Variants in ZNF500 observed in about 807,000 individuals in gnomAD.
ZNF500 encodes zinc finger protein with KRAB and SCAN domains 18.
In ZNF500, 31 loss-of-function variants were observed where a neutral mutation model predicts 30.1. The ratio of observed to expected loss-of-function variants is 1.03; its 90% CI spans 0.77 to 1.39. The LOEUF (loss-of-function observed/expected upper bound fraction) is 1.39, where lower values mean the gene tolerates loss of function less well. Among genes scored for constraint, ZNF500 ranks in the 40% most tolerant of loss-of-function variants. The pLI, the probability that ZNF500 is intolerant of heterozygous loss-of-function variation, is 0.00. For missense variants in ZNF500, 817 were observed against 657.8 expected (o/e 1.24, Z -2.65); for synonymous variants, 392 against 282.0 (o/e 1.39, Z -3.91).
downstream of ZNF500, chr16:4,747,252 G>A (rs1172835323): frequency 3.4e-5 from 48 of 1,429,548 alleles, no homozygotes; most frequent in East Asian, 1.1e-3. Flanking sequence ...AATGGGAGCT[G>A]GGCTCATCTG....
chr16:4,761,442 A>G (rs1448844893), intron 4 of ZNF500, among the ~76,000 whole-genome samples: 2 of 150,592 alleles, frequency 1.3e-5, no homozygotes, highest in African/African-American at 4.9e-5. Context: ...CTCTGTCTCA[A>G]AAAAACAAAA....
chr16:4,746,330 T>C, downstream of ZNF500: 12 of 1,573,868 alleles, frequency 7.6e-6, no homozygotes, highest in Non-Finnish European at 1.0e-5. Flanking sequence ...GTCACAGAGT[T>C]ATCACAGAGA....
At position 4,751,746 on chromosome 16, in the gene ZNF500, C is replaced by T; in HGVS notation, c.*630G>A. The T allele has an allele frequency of 2.6e-6, 3 of 1,137,934 alleles. 1 individual carries two copies. Among genetic ancestry groups the T allele is most frequent in the East Asian group, 2.6e-5 (1 of 39,064 alleles). The allele number at this position is 1,137,934 out of a possible 1,614,324, so 70.5% of individuals were successfully genotyped here. A position where few individuals can be genotyped will look rare whatever the true frequency, so the allele number is the denominator to read the frequency against. On this transcript the variant is annotated 3_prime_UTR_variant, in exon 6 of 6. Transcript: ENST00000219478. ...GGACCCTAAACCCAGTGAGTGGTGGCCCTACCAAAAAAGAGACTGGGCATG... is the reference window on the plus strand; with the variant it reads ...GGACCCTAAACCCAGTGAGTGGTGGTCCTACCAAAAAAGAGACTGGGCATG...
chr16:4,765,414 G>T, intron 2 of ZNF500, 151 bp downstream of exon 2: 2 of 1,096,522 alleles, frequency 1.8e-6, no homozygotes, highest in South Asian at 1.6e-5. Flanking sequence ...CATTAGCCAA[G>T]GCTGAGAAAT....
chr16:4,745,151 C>T, downstream of ZNF500: 2 of 1,138,950 alleles, frequency 1.8e-6, no homozygotes, highest in Admixed American at 2.6e-5. Flanking sequence ...CAGGCAGTCG[C>T]TCCAGTCATC....
intron 5 of ZNF500, among the ~76,000 whole-genome samples, chr16:4,760,065 GA>G (rs2082180075): frequency 6.6e-6 from 1 of 152,040 alleles, no homozygotes; most frequent in African/African-American, 2.4e-5. Flanking sequence ...CAAAAAACCA[GA>G]AAAGGCTTCA....
chr16:4,744,462 C>T (rs566180013), downstream of ZNF500, among the ~76,000 whole-genome samples: 6 of 151,596 alleles, frequency 4.0e-5, no homozygotes, highest in African/African-American at 9.7e-5. Context: ...CGTAGGTTAA[C>T]GTGGAAGCAT....
At chr16:4,762,884 C>T (rs976218637) in intron 2 of ZNF500, 128 bp from the exon 3 acceptor site, 11 of 1,425,004 alleles carry the variant, frequency 7.7e-6, no homozygotes, top group Non-Finnish European at 1.0e-5. Context: ...TGCAGCCTCC[C>T]TCCCTCTGCC....
chr16:4,752,408 C>G lies in ZNF500; in HGVS notation c.1411G>C (p.Val471Leu). ...GAGSLPTLQP[V>L]APGGPGAKA ...TTGGCACCGGGGCCTCCAGGAGCCA[C>G]CGGCTGGAGCGTCGGCAAGGAGCCT... is the stretch of plus-strand genomic sequence containing the variant. The change falls in exon 6 of 6, where the codon GTG becomes CTG. Residue 471 changes from valine (V) to leucine (L), a missense_variant. Physicochemically the swap from Val to Leu is conservative, Grantham distance 32. Coordinates refer to ENST00000219478, the MANE Select transcript of ZNF500 (RefSeq NM_021646.4). 6.6e-7 allele frequency: 1 copy of G among 1,521,326 alleles called. No individual in the cohort carries two copies. Among genetic ancestry groups the G allele is most frequent in the Non-Finnish European group, 8.8e-7 (1 of 1,137,688 alleles). 94.2% of individuals were successfully genotyped at this position (1,521,326 alleles called of 1,614,324 possible).
chr16:4,746,986 G>C, downstream of ZNF500: 1 of 1,546,952 alleles, frequency 6.5e-7, no homozygotes, highest in Non-Finnish European at 8.7e-7. Flanking sequence ...GCAGCTCTGG[G>C]AGACGCAGAG....
intron 5 of ZNF500, among the ~76,000 whole-genome samples, 190 bp downstream of exon 5, chr16:4,760,302 G>C (rs1208294064): frequency 1.3e-5 from 2 of 152,116 alleles, no homozygotes; most frequent in African/African-American, 4.8e-5. Flanking sequence ...GCAGTGCTGG[G>C]CATCTGCCTG....
downstream of ZNF500, chr16:4,744,863 T>C: frequency 6.2e-7 from 1 of 1,610,826 alleles, no homozygotes; most frequent in South Asian, 1.1e-5. Context: ...CCTTTGGCCA[T>C]CCTCAGACCG....
Position 4,752,402 on chromosome 16 carries a change from G to C in ZNF500, c.1417C>G (p.Pro473Ala), listed in dbSNP as rs752107609. 2 of 1,519,184 alleles carry C rather than the reference G, an allele frequency of 1.3e-6. No individual in the cohort carries two copies. The highest frequency in any genetic ancestry group is 2.4e-5 in the South Asian group (2 of 82,536). 94.1% of individuals were successfully genotyped at this position (1,519,184 alleles called of 1,614,324 possible). A position where few individuals can be genotyped will look rare whatever the true frequency, so the allele number is the denominator to read the frequency against. ...GSLPTLQPVA[P>A]GGPGAKA ...CAGGCTTTGGCACCGGGGCCTCCAG[G>C]AGCCACCGGCTGGAGCGTCGGCAAG... The change falls in exon 6 of 6, where the codon CCT (proline) becomes GCT (alanine). Residue 473 changes from proline to alanine, a missense_variant. Coordinates refer to ENST00000219478, the MANE Select transcript of ZNF500 (RefSeq NM_021646.4).
downstream of ZNF500, chr16:4,746,304 G>A: frequency 6.7e-7 from 1 of 1,495,802 alleles, no homozygotes; most frequent in Non-Finnish European, 9.1e-7. Context: ...ACTGTGACTG[G>A]ACAAACCCAG....
chr16:4,747,696 G>A (rs997931699), downstream of ZNF500: 35 of 1,493,836 alleles, frequency 2.3e-5, no homozygotes, highest in South Asian at 4.2e-4. Context: ...GGGCCCCGGT[G>A]TCCCCTTGTT....
At chr16:4,744,481 CAAAGTGAAA>C (rs371405560), downstream of ZNF500, among the ~76,000 whole-genome samples, 83 of 151,482 alleles carry the variant, frequency 5.5e-4, no homozygotes, top group African/African-American at 1.8e-3. Flanking sequence ...ATGTAATATA[CAAAGTGAAA>C]AAAGTGAAGT....
At chr16:4,765,175 C>T (rs1277487420) in intron 2 of ZNF500, among the ~76,000 whole-genome samples, 1 of 152,106 alleles carries the variant, frequency 6.6e-6, no homozygotes, top group Non-Finnish European at 1.5e-5. Context: ...GTGGTGCATG[C>T]CTGTAGTCCC....
downstream of ZNF500, chr16:4,747,138 C>T (rs772877002): frequency 1.6e-6 from 2 of 1,240,240 alleles, no homozygotes; most frequent in Non-Finnish European, 2.2e-6. Context: ...GCACCCACCG[C>T]ACAGGGTGAG....
At chr16:4,747,355 G>A (rs118086912), downstream of ZNF500, 84,449 of 1,583,848 alleles carry the variant, frequency 0.053, 2,696 homozygotes, top group Non-Finnish European at 0.061. Flanking sequence ...CCTGTACCGG[G>A]AAAAGCCAGC....
Sources: allele counts gnomAD v4.1 joint callset (sites outside exome capture counted in the v4.1 genomes callset), GRCh38; gene constraint gnomAD v4.1.1; transcripts MANE v1.5; gene names NCBI Gene and HGNC (gene_info 2026-07-23, HGNC 2026-07-21).